Variants in GPATCH2L observed in about 807,000 individuals in gnomAD.
GPATCH2L encodes the protein G patch domain-containing protein 2-like.
In GPATCH2L, 31 loss-of-function variants were observed where a neutral mutation model predicts 57.4. That is an observed-to-expected ratio of 0.54 (90% CI 0.41 to 0.73). GPATCH2L has a LOEUF of 0.73. Among genes scored for constraint, GPATCH2L ranks in the 30% least tolerant of loss-of-function variants. GPATCH2L has a pLI of 0.00. For missense variants in GPATCH2L, 481 were observed against 599.9 expected, an observed-to-expected ratio of 0.80 and a Z score of 2.07; for synonymous variants, 199 against 210.7, an observed-to-expected ratio of 0.94 and a Z score of 0.48.
At chr14:76,157,267 A>T (rs2038352214) in intron 2 of GPATCH2L, among the ~76,000 whole-genome samples, 1 of 152,190 alleles carries the variant, frequency 6.6e-6, no homozygotes, top group African/African-American at 2.4e-5. Flanking sequence ...AAAGGGGGTG[A>T]TTCTTACTCT....
intron 2 of GPATCH2L, among the ~76,000 whole-genome samples, chr14:76,233,798 T>A (rs2040585949): frequency 6.6e-6 from 1 of 152,348 alleles, no homozygotes; most frequent in African/African-American, 2.4e-5. Flanking sequence ...AGGGTTTTTT[T>A]ACATTAAAAA....
At chr14:76,231,016 G>T (rs1362212800) in intron 2 of GPATCH2L, among the ~76,000 whole-genome samples, 1 of 152,164 alleles carries the variant, frequency 6.6e-6, no homozygotes, top group African/African-American at 2.4e-5. Flanking sequence ...TAAAAAGCAG[G>T]AGCCATTTGT....
At chr14:76,194,293 G>A (rs1425557361) in intron 8 of GPATCH2L, among the ~76,000 whole-genome samples, 2 of 152,120 alleles carry the variant, frequency 1.3e-5, no homozygotes, top group African/African-American at 4.8e-5. Flanking sequence ...TTAATTTTCT[G>A]TACAGGACAG....
At chr14:76,163,772 G>A (rs946837030) in intron 2 of GPATCH2L, among the ~76,000 whole-genome samples, 3 of 152,172 alleles carry the variant, frequency 2.0e-5, no homozygotes, top group Non-Finnish European at 4.4e-5. Context: ...CAGAACTAAA[G>A]AGTTGAAGTG....
intron 5 of GPATCH2L, chr14:76,173,925 A>T (rs1025537331): frequency 2.5e-6 from 1 of 403,182 alleles, no homozygotes; most frequent in East Asian, 3.5e-5. Flanking sequence ...GATTAATGTT[A>T]TGTTATTATT....
Position 76,155,039 on chromosome 14 carries a change from T to C in GPATCH2L, c.662+14T>C. 1 of 1,591,514 alleles carries C rather than the reference T, an allele frequency of 6.3e-7. No homozygotes were observed. The highest frequency in any genetic ancestry group is 1.3e-5 in the African/African-American group (1 of 74,382). On this transcript the variant is annotated intron_variant, in intron 2 of 9. Coordinates refer to ENST00000261530, the MANE Select transcript of GPATCH2L (RefSeq NM_017926.4). Reference sequence around the variant, plus strand: ...CATGTCAGAATGGTGAGATCTCCCTTACTAAGTCAAAGATTTTCCTGGTTA... The same window carrying C: ...CATGTCAGAATGGTGAGATCTCCCTCACTAAGTCAAAGATTTTCCTGGTTA...
chr14:76,230,773 T>A (rs1365036048), intron 2 of GPATCH2L, among the ~76,000 whole-genome samples: 1 of 152,232 alleles, frequency 6.6e-6, no homozygotes, highest in Non-Finnish European at 1.5e-5. Context: ...GTAATCAACT[T>A]TAATTCATTA....
intron 8 of GPATCH2L, among the ~76,000 whole-genome samples, chr14:76,182,363 GAAA>G (rs3059799): frequency 2.3e-5 from 2 of 85,638 alleles, no homozygotes; most frequent in East Asian, 4.1e-4. Flanking sequence ...TCTCAGAAAA[GAAA>G]AAAAAAAAAA....
In GPATCH2L at chr14:76,211,424, G is replaced by A. The variant is rs957403477; in HGVS notation, c.*9573G>A. 1.3e-5 allele frequency: 2 copies of A among 152,196 alleles called. No homozygotes were observed. The highest frequency in any genetic ancestry group is 6.5e-5 in the Admixed American group (1 of 15,278). The allele number at this position is 152,196 out of a possible 1,614,324, so 9.4% of individuals were successfully genotyped here. ...TATAGCTAGGCCCACTTATTGGTAG[G>A]AGCTACTGACATGTTAAAACTAGGT... On this transcript the variant is annotated 3_prime_UTR_variant, in exon 10 of 10. Transcript: ENST00000261530.
intron 8 of GPATCH2L, among the ~76,000 whole-genome samples, chr14:76,183,606 C>G (rs1326221637): frequency 6.6e-6 from 1 of 152,022 alleles, no homozygotes; most frequent in Admixed American, 6.5e-5. Context: ...CTCAATAAAG[C>G]TTGGCAACCA....
At chr14:76,223,501 A>G (rs561881703) in intron 1 of GPATCH2L, among the ~76,000 whole-genome samples, 2 of 152,218 alleles carry the variant, frequency 1.3e-5, no homozygotes, top group Non-Finnish European at 2.9e-5. Context: ...AAATGCATAA[A>G]TCTTCATGAC....
chr14:76,217,076 TTAAAC>T (rs1367392362), downstream of GPATCH2L, among the ~76,000 whole-genome samples: 1 of 152,158 alleles, frequency 6.6e-6, no homozygotes, highest in Admixed American at 6.5e-5. Flanking sequence ...ATTGTACAAT[TTAAAC>T]TATACAACTA....
At chr14:76,155,711 T>G (rs1047185149) in intron 2 of GPATCH2L, among the ~76,000 whole-genome samples, 8 of 152,224 alleles carry the variant, frequency 5.3e-5, no homozygotes, top group Admixed American at 1.3e-4. Context: ...ACATCTCAGA[T>G]AGTCCTAGGA....
intron 2 of GPATCH2L, among the ~76,000 whole-genome samples, chr14:76,232,263 C>T (rs61981660): frequency 0.06 from 9,084 of 152,222 alleles, 344 homozygotes; most frequent in Non-Finnish European, 0.081. Flanking sequence ...CTGTATCAAA[C>T]ACACAGTGTT....
chr14:76,200,144 A>G (rs1278452323), intron 9 of GPATCH2L, among the ~76,000 whole-genome samples: 1 of 152,164 alleles, frequency 6.6e-6, no homozygotes, highest in Non-Finnish European at 1.5e-5. Flanking sequence ...AGAAAGGAAC[A>G]TAGTGGTTGC....
chr14:76,178,418 C>A, intron 7 of GPATCH2L: 2 of 360,380 alleles, frequency 5.5e-6, no homozygotes, highest in Non-Finnish European at 9.8e-6. Context: ...ACAGTTTTTC[C>A]ATGGACCCGG....
intron 2 of GPATCH2L, among the ~76,000 whole-genome samples, chr14:76,165,500 A>G (rs1169709404): frequency 6.6e-6 from 1 of 152,050 alleles, no homozygotes; most frequent in African/African-American, 2.4e-5. Context: ...CAAAAAAAAA[A>G]AAAAAGAAGA....
chr14:76,152,698 C>G (rs972188366), intron 1 of GPATCH2L: 6 of 456,008 alleles, frequency 1.3e-5, no homozygotes, highest in African/African-American at 6.0e-5. Context: ...GGAAAGGATT[C>G]TGCACAGGCA....
At chr14:76,227,508 A>T (rs1037292873) in intron 1 of GPATCH2L, among the ~76,000 whole-genome samples, 1 of 152,184 alleles carries the variant, frequency 6.6e-6, no homozygotes, top group African/African-American at 2.4e-5. Context: ...TGGAGAGACG[A>T]ATCCAGGGGT....
Sources: allele counts gnomAD v4.1 joint callset (sites outside exome capture counted in the v4.1 genomes callset), GRCh38; gene constraint gnomAD v4.1.1; transcripts MANE v1.5; gene names NCBI Gene and HGNC (gene_info 2026-07-23, HGNC 2026-07-21).